MSI2: variants seen among roughly 807,000 people sequenced by gnomAD.
MSI2 encodes RNA-binding protein Musashi homolog 2.
In MSI2, 17 loss-of-function variants were observed where a neutral mutation model predicts 45.6. That is an observed-to-expected ratio of 0.37 (90% CI 0.26 to 0.56). The LOEUF is 0.56. Ranked by LOEUF, MSI2 falls within the 20% of genes least tolerant of loss-of-function variation. MSI2 has a pLI of 0.77. For missense variants in MSI2, 293 were observed against 444.2 expected, an observed-to-expected ratio of 0.66 and a Z score of 3.06; for synonymous variants, 156 against 158.2, an observed-to-expected ratio of 0.99 and a Z score of 0.11.
chr17:57,698,784 G>A, the MSI2 span, among the ~76,000 whole-genome samples: 1 of 152,042 alleles, frequency 6.6e-6, no homozygotes, highest in African/African-American at 2.4e-5. Flanking sequence ...AAAGATACAA[G>A]GAGTAAAGTT....
At chr17:57,272,848 C>T (rs889267233) in intron 5 of MSI2, among the ~76,000 whole-genome samples, 2 of 152,182 alleles carry the variant, frequency 1.3e-5, no homozygotes, top group African/African-American at 2.4e-5. Flanking sequence ...AGAAAAATAG[C>T]CAGATAGGGC....
intron 7 of MSI2, among the ~76,000 whole-genome samples, chr17:57,539,891 G>A (rs1034581319): frequency 1.3e-5 from 2 of 152,206 alleles, no homozygotes; most frequent in African/African-American, 4.8e-5. Flanking sequence ...GTTATGACTA[G>A]TAAACACGTG....
chr17:57,685,282 C>A (rs1211859311), downstream of MSI2, among the ~76,000 whole-genome samples: 3 of 152,128 alleles, frequency 2.0e-5, no homozygotes, highest in African/African-American at 7.2e-5. Context: ...ACATTGAGGG[C>A]AAGTCCCAAT....
chr17:57,322,245 C>G (rs1386037265), intron 5 of MSI2, among the ~76,000 whole-genome samples: 1 of 152,166 alleles, frequency 6.6e-6, no homozygotes, highest in Non-Finnish European at 1.5e-5. Flanking sequence ...AAGCAGGGAG[C>G]TGAGGCCAAC....
chr17:57,404,340 G>T (rs1324488751), intron 6 of MSI2, among the ~76,000 whole-genome samples: 1 of 152,244 alleles, frequency 6.6e-6, no homozygotes, highest in East Asian at 1.9e-4. Context: ...ACTGACGATG[G>T]GCAAGATGCA....
chr17:57,618,808 C>T (rs1907995141), intron 9 of MSI2, among the ~76,000 whole-genome samples: 1 of 152,170 alleles, frequency 6.6e-6, no homozygotes, highest in Non-Finnish European at 1.5e-5. Context: ...TCCCAAAGTG[C>T]TGGGATTACA....
intron 8 of MSI2, 71 bp downstream of exon 8, chr17:57,597,021 G>GGGT: frequency 1.7e-6 from 2 of 1,149,138 alleles, no homozygotes; most frequent in Non-Finnish European, 2.6e-6. Flanking sequence ...CTTGCAGACT[G>GGGT]GTCCAGCCCA....
rs1598468810 is a variant in MSI2, at chr17:57,627,013, C to T, written c.653-216C>T. 8.3e-6 allele frequency: 5 copies of T among 599,988 alleles called. No individual in the cohort carries two copies. Among genetic ancestry groups the T allele is most frequent in the Admixed American group, 2.9e-5 (1 of 33,946 alleles). 37.2% of individuals were successfully genotyped at this position (599,988 alleles called of 1,614,324 possible). The stretch of plus-strand genomic sequence containing the variant: ...ACATGGGCTTTGCGGGGTCTGGCTG[C>T]CCAAATATGGGTTAATTAGCAACAG... On this transcript the variant is annotated intron_variant, in intron 9 of 13. Transcript: ENST00000284073. The surrounding 1 kb of genome is among the most constrained non-coding windows in gnomAD (Gnocchi z 4.6).
chr17:57,561,808 C>A (rs1387815921), intron 7 of MSI2, among the ~76,000 whole-genome samples: 1 of 152,152 alleles, frequency 6.6e-6, no homozygotes, highest in African/African-American at 2.4e-5. Context: ...ACTTTAGAGG[C>A]CTGGAAGGTG....
intron 8 of MSI2, among the ~76,000 whole-genome samples, chr17:57,605,580 T>C (rs552319621): frequency 6.6e-6 from 1 of 152,318 alleles, no homozygotes; most frequent in African/African-American, 2.4e-5. Flanking sequence ...CTGCCCCCCC[T>C]TCTCTTCTGC....
chr17:57,358,453 A>G (rs977632472), intron 5 of MSI2, among the ~76,000 whole-genome samples: 4 of 152,182 alleles, frequency 2.6e-5, no homozygotes, highest in African/African-American at 9.7e-5. Flanking sequence ...AAGGCATCTT[A>G]TGGACTAATG....
chr17:57,261,923 G>C (rs1036864128), intron 4 of MSI2, among the ~76,000 whole-genome samples: 24 of 152,174 alleles, frequency 1.6e-4, no homozygotes, highest in South Asian at 8.3e-4. Context: ...ACACTGAAAT[G>C]CATGGTGGGT....
chr17:57,559,213 A>G (rs2087514710), intron 7 of MSI2, among the ~76,000 whole-genome samples: 1 of 152,194 alleles, frequency 6.6e-6, no homozygotes, highest in Admixed American at 6.5e-5. Context: ...CTGTCTCCCA[A>G]CCTGAGAGGG....
intron 6 of MSI2, among the ~76,000 whole-genome samples, chr17:57,484,409 T>G (rs1024111433): frequency 3.3e-5 from 5 of 152,226 alleles, no homozygotes; most frequent in African/African-American, 1.2e-4. Flanking sequence ...TCCTCAAATA[T>G]TTCTTCCCCC....
intron 7 of MSI2, among the ~76,000 whole-genome samples, chr17:57,593,162 A>G (rs1201958586): frequency 6.6e-6 from 1 of 152,076 alleles, no homozygotes; most frequent in Non-Finnish European, 1.5e-5. Context: ...TCCTGCCTTC[A>G]GTCCAGAGCA....
At chr17:57,378,389 G>A (rs929899937) in intron 5 of MSI2, among the ~76,000 whole-genome samples, 4 of 151,880 alleles carry the variant, frequency 2.6e-5, no homozygotes, top group East Asian at 1.9e-4. Flanking sequence ...TCAGCCTCCC[G>A]AGTAGCTGGG....
intron 5 of MSI2, among the ~76,000 whole-genome samples, chr17:57,330,417 C>T (rs183149699): frequency 2.0e-3 from 304 of 151,690 alleles, no homozygotes; most frequent in Non-Finnish European, 3.4e-3. Flanking sequence ...CCCTAGTAAC[C>T]GGGATTACAG....
intron 6 of MSI2, among the ~76,000 whole-genome samples, chr17:57,438,273 ACAGT>A (rs1487945397): frequency 1.3e-5 from 2 of 152,106 alleles, no homozygotes; most frequent in African/African-American, 4.8e-5. Context: ...CCTGTTGCAA[ACAGT>A]CAGGCCCCGA....
At chr17:57,270,928 G>C in intron 5 of MSI2, among the ~76,000 whole-genome samples, 1 of 152,174 alleles carries the variant, frequency 6.6e-6, no homozygotes, top group Admixed American at 6.5e-5. Context: ...TGAGGTCCTG[G>C]CTCTCGAGGC....
Sources: gnomAD v4.1 joint callset for allele counts (sites outside exome capture counted in the v4.1 genomes callset) on GRCh38, gnomAD v4.1.1 for gene constraint, Gnocchi (gnomAD v3.1) non-coding constraint, MANE v1.5 for transcripts, NCBI Gene and HGNC (gene_info 2026-07-23, HGNC 2026-07-21) for gene names.